The following OR2J3 variants were observed in gnomAD, a reference collection of about 807,000 sequenced individuals.
OR2J3 encodes the protein olfactory receptor family 2 subfamily J member 3.
A neutral mutation model predicts 18.5 loss-of-function variants in OR2J3; 13 were observed. The observed-to-expected ratio is 0.70, with a 90% CI of 0.46 to 1.12. The LOEUF is 1.12. Among genes scored for constraint, OR2J3 ranks in the 50% most tolerant of loss-of-function variants. The pLI is 0.00. For missense variants in OR2J3, 321 were observed against 371.6 expected, an observed-to-expected ratio of 0.86 and a Z score of 1.12; for synonymous variants, 142 against 140.6, an observed-to-expected ratio of 1.01 and a Z score of -0.07.
chr6:29,111,356 G>A (rs532183107), intron 3 of OR2J3, among the ~76,000 whole-genome samples: 1 of 152,254 alleles, frequency 6.6e-6, no homozygotes, highest in South Asian at 2.1e-4. Flanking sequence ...AGCATGTCCT[G>A]TTCAGAGCAT....
chr6:29,110,092 C>T (rs999814307), intron 3 of OR2J3, among the ~76,000 whole-genome samples: 11 of 152,190 alleles, frequency 7.2e-5, no homozygotes, highest in African/African-American at 2.7e-4. Context: ...TTCCTTCCTT[C>T]TCTGTTCTCT....
rs556403313 is a variant in OR2J3 at position 29,110,222 on chromosome 6, C to T, written c.-11+1347C>T. ...TTCTCCCCAGATTTTTAGCTTAGTTCGTATCATGAATACCCATATATTGAT... is the reference window on the plus strand; with the variant it reads ...TTCTCCCCAGATTTTTAGCTTAGTTTGTATCATGAATACCCATATATTGAT... On this transcript the variant is annotated intron_variant, in intron 3 of 3. Transcript: ENST00000641151. Among the ~76,000 whole-genome samples the T allele has an allele frequency of 1.9e-4, 29 of 152,262 alleles. No individual in the cohort carries two copies. In the South Asian group the frequency reaches 5.4e-3, roughly 28 times the overall value.
At chr6:29,109,633 T>G (rs959062231) in intron 3 of OR2J3, 3 of 152,122 alleles carry the variant, frequency 2.0e-5, no homozygotes, top group African/African-American at 7.2e-5. Context: ...GGCAAAGAAT[T>G]CAGAGAAAAT....
At position 29,112,555 on chromosome 6, in the gene OR2J3, G is replaced by T; in HGVS notation, c.665G>T (p.Gly222Val). ...IPLILILTSY[G>V]AIVRAILRMQ... ...CTCATCCTCATTCTCACTTCTTATG[G>T]TGCCATCGTCCGAGCTATACTGAGG... is the stretch of plus-strand genomic sequence containing the variant. The change falls in exon 4 of 4, where the codon GGT (glycine) becomes GTT (valine). Residue 222 changes from glycine to valine, a missense_variant. Physicochemically the swap from Gly to Val is moderately radical, Grantham distance 109 (BLOSUM62 -3). Transcript: ENST00000641151. 1 of 1,613,934 alleles carries T rather than the reference G, an allele frequency of 6.2e-7. No homozygotes were observed. Among genetic ancestry groups the T allele is most frequent in the Non-Finnish European group, 8.5e-7 (1 of 1,179,952 alleles).
chr6:29,112,050 C>T lies in OR2J3; in HGVS notation c.160C>T (p.Leu54=). The change falls in exon 4 of 4, where the codon CTG becomes TTG. Residue 54 remains leucine (L), a synonymous_variant. Transcript: ENST00000641151. ...CCTGTTCATCATCATCCTGTCATAC[C>T]TGGACTCCCATCTGCACACACCAAT... is the stretch of plus-strand genomic sequence containing the variant. ...GNLFIIILSY[L]DSHLHTPMYF... is the part of the protein sequence containing the mutation. The T allele has an allele frequency of 7.4e-6, 12 of 1,614,024 alleles. No individual in the cohort carries two copies. Among genetic ancestry groups the T allele is most frequent in the Non-Finnish European group, 1.0e-5 (12 of 1,179,994 alleles).
rs1419380361 is a variant in OR2J3, at chr6:29,112,423, A to G, written c.533A>G (p.Asp178Gly). The stretch of plus-strand genomic sequence containing the variant: ...CCTCTGTGTGGACACCGCCAAGTAG[A>G]TCACTTTTTCTGTGAAGTTCCAGCA... ...WVPLCGHRQV[D>G]HFFCEVPALL... Residue 178 changes from aspartate to glycine, a missense_variant, in exon 4 of 4, where the codon GAT becomes GGT. Asp to Gly is a moderately conservative substitution (Grantham distance 94). Transcript: ENST00000641151. The G allele has an allele frequency of 1.2e-6, 2 of 1,613,946 alleles. No homozygotes were observed. The highest frequency in any genetic ancestry group is 1.7e-6 in the Non-Finnish European group (2 of 1,180,008).
rs1762145588 is a variant in OR2J3 at position 29,112,015 on chromosome 6, T to G, written c.125T>G (p.Leu42Arg). 1 of 1,614,016 alleles carries G rather than the reference T, an allele frequency of 6.2e-7. No individual in the cohort carries two copies. Among genetic ancestry groups the G allele is most frequent in the Admixed American group, 1.7e-5 (1 of 59,988 alleles). The part of the protein sequence containing the change: ...VVVLIFYLMT[L>R]IGNLFIIILS... Reference sequence around the variant, plus strand: ...GTCTTGATCTTCTACTTGATGACACTGATAGGAAACCTGTTCATCATCATC... The same window carrying G: ...GTCTTGATCTTCTACTTGATGACACGGATAGGAAACCTGTTCATCATCATC... Residue 42 changes from leucine (L) to arginine (R), a missense_variant, in exon 4 of 4, where the codon CTG becomes CGG. By Grantham distance (102) the Leu-to-Arg change is moderately radical. Transcript: ENST00000641151.
intron 3 of OR2J3, 170 bp from the exon 4 acceptor site, chr6:29,111,711 T>C (rs1281132846): frequency 6.7e-6 from 4 of 601,494 alleles, no homozygotes; most frequent in Admixed American, 3.3e-5. Flanking sequence ...CAGTATGAGC[T>C]TTATAATTCT....
At position 29,112,346 on chromosome 6, in the gene OR2J3, G is replaced by A. The variant is rs1317995444; in HGVS notation, c.456G>A (p.Trp152Ter). 2 of 1,613,900 alleles carry A rather than the reference G, an allele frequency of 1.2e-6. No homozygotes were observed. Among genetic ancestry groups the A allele is most frequent in the Non-Finnish European group, 1.7e-6 (2 of 1,180,044 alleles). Residue 152 changes from tryptophan to a stop codon, truncating the protein, a stop_gained, in exon 4 of 4, where the codon TGG (tryptophan) becomes TGA (stop). Coordinates refer to ENST00000641151, the MANE Select transcript of OR2J3 (RefSeq NM_001005216.4). LOFTEE classifies it high-confidence loss of function. ...GCCACCTGCTGGCTGTGGCTTCTTG[G>A]GTAAGTGGTTTTACCAACTCAGCAC... is the stretch of plus-strand genomic sequence containing the variant. ...RFCHLLAVASWVSGFTNSALH... is the reference protein window; with the variant it reads ...RFCHLLAVAS
chr6:29,108,715 C>T (rs1762015940), intron 2 of OR2J3, 61 bp downstream of exon 2: 1 of 152,132 alleles, frequency 6.6e-6, no homozygotes, highest in African/African-American at 2.4e-5. Flanking sequence ...GGGTATCCAT[C>T]ACCTCAAGCA....
rs1207530030 is a variant in OR2J3, at chr6:29,114,712, G to T, written c.*1886G>T. 1 of 151,910 alleles carries T rather than the reference G, an allele frequency of 6.6e-6. No individual in the cohort carries two copies. The highest frequency in any genetic ancestry group is 1.9e-4 in the East Asian group (1 of 5,166). The allele number at this position is 151,910 out of a possible 1,614,324, so 9.4% of individuals were successfully genotyped here. A position where few individuals can be genotyped will look rare whatever the true frequency, so the allele number is the denominator to read the frequency against. On this transcript the variant is annotated 3_prime_UTR_variant, in exon 4 of 4. Transcript: ENST00000641151. ...ATTTGTTCCTTCCATCTGAAACTTT[G>T]TACCCTTTGACCAATATCTCCCCAT...
In OR2J3 at chr6:29,112,780, A is replaced by G. The variant is rs1374471152; in HGVS notation, c.890A>G (p.Asn297Ser). The change falls in exon 4 of 4, where the codon AAC becomes AGC. Residue 297 changes from asparagine (N) to serine (S), a missense_variant. Coordinates refer to ENST00000641151, the MANE Select transcript of OR2J3 (RefSeq NM_001005216.4). ...SLNPLIYTLR[N>S]KVVRGAVKRL... is the part of the protein sequence containing the mutation. ...AACCCTCTAATCTACACCCTCAGAA[A>G]CAAAGTTGTAAGAGGGGCAGTGAAG... The G allele has an allele frequency of 6.2e-7, 1 of 1,613,914 alleles. No homozygotes were observed. The highest frequency in any genetic ancestry group is 8.5e-7 in the Non-Finnish European group (1 of 1,179,884).
At position 29,112,959 on chromosome 6, in the gene OR2J3, C is replaced by G. The variant is rs950410625; in HGVS notation, c.*133C>G. The G allele has an allele frequency of 9.0e-7, 1 of 1,110,718 alleles. No individual in the cohort carries two copies. Among genetic ancestry groups the G allele is most frequent in the African/African-American group, 1.6e-5 (1 of 63,444 alleles). The allele number at this position is 1,110,718 out of a possible 1,614,324, so 68.8% of individuals were successfully genotyped here. Reference sequence around the variant, plus strand: ...TGCTGAGCATGTACTCTAACAAGGTCGTGGAGTTCCTGGTAACAGGTAGGA... The same window carrying G: ...TGCTGAGCATGTACTCTAACAAGGTGGTGGAGTTCCTGGTAACAGGTAGGA... On this transcript the variant is annotated 3_prime_UTR_variant, in exon 4 of 4. Transcript: ENST00000641151.
chr6:29,112,216 C>T lies in OR2J3; in HGVS notation c.326C>T (p.Ala109Val), dbSNP rs1209546339. ...ATGATTCAACTTTACTTTGTTCTCG[C>T]ACTGGGAACCACAGAGTGTGTCCTA... is the stretch of plus-strand genomic sequence containing the variant. ...GCMIQLYFVLALGTTECVLLV... is the reference protein window; with the variant it reads ...GCMIQLYFVLVLGTTECVLLV... The change falls in exon 4 of 4, where the codon GCA becomes GTA. Residue 109 changes from alanine (A) to valine (V), a missense_variant. By Grantham distance (64) the Ala-to-Val change is moderately conservative. Coordinates refer to ENST00000641151, the MANE Select transcript of OR2J3 (RefSeq NM_001005216.4). 3 of 1,614,050 alleles carry T rather than the reference C, an allele frequency of 1.9e-6. No homozygotes were observed. Among genetic ancestry groups the T allele is most frequent in the African/African-American group, 1.3e-5 (1 of 74,910 alleles).
chr6:29,111,116 T>C (rs1300245730), intron 3 of OR2J3, among the ~76,000 whole-genome samples: 1 of 150,538 alleles, frequency 6.6e-6, no homozygotes, highest in Non-Finnish European at 1.5e-5. Flanking sequence ...ATAATTTTGT[T>C]AATAGCTAGT....
intron 3 of OR2J3, among the ~76,000 whole-genome samples, chr6:29,110,043 A>G (rs1762068896): frequency 6.6e-6 from 1 of 152,180 alleles, no homozygotes; most frequent in African/African-American, 2.4e-5. Flanking sequence ...TCTAAGAACT[A>G]CACTCAGGTT....
rs150995773 is a variant in OR2J3 at position 29,112,052 on chromosome 6, G to A, written c.162G>A (p.Leu54=). ...TGTTCATCATCATCCTGTCATACCT[G>A]GACTCCCATCTGCACACACCAATGT... ...GNLFIIILSY[L]DSHLHTPMYF... The change falls in exon 4 of 4, where the codon CTG becomes CTA. Residue 54 remains leucine, a synonymous_variant. Transcript: ENST00000641151. 432 of 1,613,980 alleles carry A rather than the reference G, an allele frequency of 2.7e-4. 3 individuals are homozygous for A. In the African/African-American group the frequency reaches 5.4e-3, roughly 20 times the overall value.
chr6:29,112,602 C>T lies in OR2J3; in HGVS notation c.712C>T (p.Gln238Ter). The stretch of plus-strand genomic sequence containing the variant: ...GAGGATGCAGTCAACCACTGGGCTT[C>T]AGAAAGTGTTTGGAACATGTGGAGC... ...ILRMQSTTGL[Q>*]KVFGTCGAHL... is the part of the protein sequence containing the mutation. The change falls in exon 4 of 4, where the codon CAG becomes TAG. Residue 238 changes from glutamine (Q) to a stop codon, truncating the protein, a stop_gained. Coordinates refer to ENST00000641151, the MANE Select transcript of OR2J3 (RefSeq NM_001005216.4). LOFTEE classifies it high-confidence loss of function. 1 of 1,614,068 alleles carries T rather than the reference C, an allele frequency of 6.2e-7. No homozygotes were observed. Among genetic ancestry groups the T allele is most frequent in the Non-Finnish European group, 8.5e-7 (1 of 1,179,980 alleles).
In OR2J3 at chr6:29,108,249, G is replaced by GGAAGGACAGAGT. The variant is rs1761998864; in HGVS notation, c.-223_-212dup. The GGAAGGACAGAGT allele has an allele frequency of 6.6e-6, 1 of 152,186 alleles. No individual in the cohort carries two copies. The highest frequency in any genetic ancestry group is 2.1e-4 in the South Asian group (1 of 4,828). The allele number at this position is 152,186 out of a possible 1,614,324, so 9.4% of individuals were successfully genotyped here. A position where few individuals can be genotyped will look rare whatever the true frequency, so the allele number is the denominator to read the frequency against. ...TATACAGGGAATGTGGACAGATACA[G>GGAAGGACAGAGT]GAAGGACAGAGTGAAAGGCATTGTT... On this transcript the variant is annotated 5_prime_UTR_variant, in exon 1 of 4. Coordinates refer to ENST00000641151, the MANE Select transcript of OR2J3 (RefSeq NM_001005216.4).
Sources: allele counts gnomAD v4.1 joint callset (sites outside exome capture counted in the v4.1 genomes callset), GRCh38; gene constraint gnomAD v4.1.1; transcripts MANE v1.5; gene names NCBI Gene and HGNC (gene_info 2026-07-23, HGNC 2026-07-21).